The following RORA variants were observed in gnomAD, a reference collection of about 807,000 sequenced individuals.
The protein encoded by RORA is RAR related orphan receptor A.
Under a neutral mutation model 69.5 loss-of-function variants are expected in RORA, and 7 were observed. The observed-to-expected ratio is 0.10, with a 90% confidence interval of 0.06 to 0.19. The LOEUF (loss-of-function observed/expected upper bound fraction) is 0.19, where lower values mean the gene tolerates loss of function less well. Ranked by LOEUF, RORA falls within the 10% of genes least tolerant of loss-of-function variation. RORA has a pLI of 1.00. For missense variants in RORA, 457 were observed against 663.0 expected (o/e 0.69, Z 3.41); for synonymous variants, 261 against 240.8 (o/e 1.08, Z -0.78).
At chr15:60,794,054 C>T (rs2072455418) in intron 1 of RORA, among the ~76,000 whole-genome samples, 1 of 152,188 alleles carries the variant, frequency 6.6e-6, no homozygotes, top group Non-Finnish European at 1.5e-5. Context: ...CTTTGGCAGC[C>T]TTTTTACAAT....
intron 1 of RORA, among the ~76,000 whole-genome samples, chr15:60,842,272 T>C (rs2073209120): frequency 6.6e-6 from 1 of 152,148 alleles, no homozygotes. Flanking sequence ...GCAATTTATT[T>C]AATATCATCC....
At chr15:61,031,137 C>T (rs902289707) in intron 1 of RORA, among the ~76,000 whole-genome samples, 1 of 152,084 alleles carries the variant, frequency 6.6e-6, no homozygotes, top group African/African-American at 2.4e-5. Context: ...GTAAGAGAAA[C>T]AACGGCATAA....
intron 2 of RORA, among the ~76,000 whole-genome samples, chr15:60,590,170 C>CCTGTATCTCTCTCTCT (rs1555434779): frequency 2.0e-5 from 2 of 101,504 alleles, no homozygotes; most frequent in African/African-American, 1.1e-4. Context: ...TCTCCCTCTT[C>CCTGTATCTCTCTCTCT]CTCTATCTCT....
At chr15:60,916,530 A>G (rs6494232) in intron 1 of RORA, among the ~76,000 whole-genome samples, 19,170 of 152,192 alleles carry the variant, frequency 0.13, 1,734 homozygotes, top group East Asian at 0.5. Context: ...AAATATGCCA[A>G]TTCTGAATAT....
intron 1 of RORA, among the ~76,000 whole-genome samples, chr15:60,819,767 A>AAACACACACACGCG: frequency 6.8e-6 from 1 of 147,532 alleles, no homozygotes; most frequent in South Asian, 2.2e-4. Context: ...ACACACACAC[A>AAACACACACACGCG]CACACACACA....
chr15:60,668,196 GC>G (rs2070408673), intron 2 of RORA, among the ~76,000 whole-genome samples: 1 of 152,160 alleles, frequency 6.6e-6, no homozygotes, highest in Non-Finnish European at 1.5e-5. Context: ...CGATTCCTGA[GC>G]CCGAATGACA....
rs570834704 is a variant in RORA at position 60,647,399 on chromosome 15, C to T, written c.196+31258G>A. Among the ~76,000 whole-genome samples the T allele has an allele frequency of 9.2e-5, 14 of 152,280 alleles. No homozygotes were observed. In the South Asian group the frequency reaches 2.5e-3, roughly 27 times the overall value. On this transcript the variant is annotated intron_variant, in intron 2 of 10. Transcript: ENST00000335670. ...GACACCCGAAATCTGCCTGGCTTTG[C>T]GGATCCTGGCCTTTCTTCTAAGTGC... is the stretch of plus-strand genomic sequence containing the variant.
chr15:60,955,017 C>T (rs987770974), intron 1 of RORA, among the ~76,000 whole-genome samples: 1 of 152,188 alleles, frequency 6.6e-6, no homozygotes, highest in Non-Finnish European at 1.5e-5. Flanking sequence ...AAAAATCCAT[C>T]TTAAGGCTGG....
intron 1 of RORA, among the ~76,000 whole-genome samples, chr15:60,738,494 T>C (rs112953900): frequency 0.027 from 4,184 of 152,274 alleles, 210 homozygotes; most frequent in African/African-American, 0.097. Flanking sequence ...GGGCCCTGGG[T>C]GCTTTTGGCT....
intron 1 of RORA, among the ~76,000 whole-genome samples, chr15:60,857,877 A>G (rs1374312538): frequency 6.6e-6 from 1 of 152,238 alleles, no homozygotes; most frequent in Non-Finnish European, 1.5e-5. Context: ...AGCCACCTCC[A>G]TTTCACAGAT....
chr15:60,856,942 G>A (rs1337843860), intron 1 of RORA, among the ~76,000 whole-genome samples: 2 of 152,192 alleles, frequency 1.3e-5, no homozygotes, highest in African/African-American at 4.8e-5. Context: ...GAGGAATAAT[G>A]GGAGAATGTC....
chr15:60,785,317 C>A (rs887406726), intron 1 of RORA, among the ~76,000 whole-genome samples: 3 of 152,220 alleles, frequency 2.0e-5, no homozygotes, highest in African/African-American at 7.2e-5. Flanking sequence ...TTGAAACTTT[C>A]TTCCTGAGGT....
chr15:61,101,305 T>C (rs530869167), intron 1 of RORA, among the ~76,000 whole-genome samples: 3 of 152,212 alleles, frequency 2.0e-5, no homozygotes, highest in South Asian at 4.2e-4. Flanking sequence ...CAGTTGGAAA[T>C]TGTAACAAAG....
At chr15:61,199,878 C>T (rs1035264689) in intron 1 of RORA, among the ~76,000 whole-genome samples, 1 of 152,140 alleles carries the variant, frequency 6.6e-6, no homozygotes, top group Non-Finnish European at 1.5e-5. Flanking sequence ...CAACACAGAA[C>T]GAGCTGTGCC....
rs146532073 is a variant in RORA, at chr15:60,761,492, C to G, written c.167-82806G>C. On this transcript the variant is annotated intron_variant, in intron 1 of 10. Coordinates refer to ENST00000335670, the MANE Select transcript of RORA (RefSeq NM_134261.3). ...CAAGTTAAGAAAGAGCTGGGCAACT[C>G]TCTTTTATGATATGTTTTTTTAAAA... 2.9e-4 allele frequency among the ~76,000 whole-genome samples: 44 copies of G among 152,242 alleles called. No individual in the cohort carries two copies. In the East Asian group the frequency reaches 8.3e-3, roughly 29 times the overall value.
chr15:60,786,630 G>C (rs1057424590), intron 1 of RORA, among the ~76,000 whole-genome samples: 2 of 152,238 alleles, frequency 1.3e-5, no homozygotes, highest in Non-Finnish European at 2.9e-5. Context: ...GGGCTACTGA[G>C]CAGCTTCGTG....
chr15:60,669,184 A>G (rs547810509), intron 2 of RORA, among the ~76,000 whole-genome samples: 1 of 152,336 alleles, frequency 6.6e-6, no homozygotes, highest in South Asian at 2.1e-4. Flanking sequence ...TTCACTGCAC[A>G]TTCCATGCCT....
At chr15:60,894,865 T>C (rs941300359) in intron 1 of RORA, among the ~76,000 whole-genome samples, 3 of 152,146 alleles carry the variant, frequency 2.0e-5, no homozygotes, top group Non-Finnish European at 2.9e-5. Flanking sequence ...TAAACATCCC[T>C]GCACAGGCAC....
At chr15:61,106,760 A>G (rs1357503738) in intron 1 of RORA, among the ~76,000 whole-genome samples, 1 of 152,046 alleles carries the variant, frequency 6.6e-6, no homozygotes, top group Non-Finnish European at 1.5e-5. Flanking sequence ...CTTTCCATCT[A>G]TTTATAAACC....
Sources: gnomAD v4.1 joint callset for allele counts (sites outside exome capture counted in the v4.1 genomes callset) on GRCh38, gnomAD v4.1.1 for gene constraint, MANE v1.5 for transcripts, NCBI Gene and HGNC (gene_info 2026-07-23, HGNC 2026-07-21) for gene names.